Variants in NXPH1 observed in about 807,000 individuals in gnomAD.
NXPH1 encodes the protein neurexophilin 1, also known as neurexophilin-1.
A neutral mutation model predicts 23.7 loss-of-function variants in NXPH1; 5 were observed. That is an observed-to-expected ratio of 0.21 (90% CI 0.11 to 0.44). The LOEUF (loss-of-function observed/expected upper bound fraction) is 0.44. Among genes scored for constraint, NXPH1 ranks in the 20% least tolerant of loss-of-function variants. The probability of loss-of-function intolerance (pLI) is 0.99; values close to 1 mark genes in which losing one functional copy is unlikely to be tolerated. For missense variants in NXPH1, 324 were observed against 321.6 expected, an observed-to-expected ratio of 1.01 and a Z score of -0.06; for synonymous variants, 144 against 122.2, an observed-to-expected ratio of 1.18 and a Z score of -1.18.
chr7:8,467,315 G>A (rs1381763110), intron 2 of NXPH1, among the ~76,000 whole-genome samples: 2 of 152,164 alleles, frequency 1.3e-5, no homozygotes, highest in Admixed American at 6.5e-5. Flanking sequence ...AGGAGCCACA[G>A]AAACATCAGG....
At chr7:8,742,052 A>G (rs116373498) in intron 2 of NXPH1, among the ~76,000 whole-genome samples, 1,672 of 152,262 alleles carry the variant, frequency 0.011, 28 homozygotes, top group African/African-American at 0.038. Context: ...GTCTAGTGAA[A>G]ACATGGGCAC....
chr7:8,499,722 G>A (rs1282386642), intron 2 of NXPH1, among the ~76,000 whole-genome samples: 1 of 152,020 alleles, frequency 6.6e-6, no homozygotes. Context: ...GAGGCCTAAG[G>A]AGCTCTCAAA....
At chr7:8,564,729 G>C (rs1818509281) in intron 2 of NXPH1, among the ~76,000 whole-genome samples, 1 of 151,826 alleles carries the variant, frequency 6.6e-6, no homozygotes, top group Non-Finnish European at 1.5e-5. Flanking sequence ...TCCAGGTGAA[G>C]TGTGGTCCAT....
At chr7:8,439,363 G>GT (rs1181586533) in intron 2 of NXPH1, among the ~76,000 whole-genome samples, 1 of 152,178 alleles carries the variant, frequency 6.6e-6, no homozygotes, top group African/African-American at 2.4e-5. Flanking sequence ...CCCACAGGGT[G>GT]TGGCATTCTG....
chr7:8,641,698 C>G (rs184332326), intron 2 of NXPH1, among the ~76,000 whole-genome samples: 5 of 152,252 alleles, frequency 3.3e-5, no homozygotes, highest in Admixed American at 1.3e-4. Context: ...ACTCCTCTTT[C>G]TATAATAGTT....
At chr7:8,522,007 A>AG (rs112177729) in intron 2 of NXPH1, among the ~76,000 whole-genome samples, 5 of 152,280 alleles carry the variant, frequency 3.3e-5, no homozygotes, top group African/African-American at 9.6e-5. Flanking sequence ...ACCTTGGAAA[A>AG]GGGAAGAAAA....
chr7:8,746,646 C>T (rs759972182), intron 2 of NXPH1, among the ~76,000 whole-genome samples: 10 of 152,092 alleles, frequency 6.6e-5, no homozygotes, highest in Non-Finnish European at 1.0e-4. Context: ...TATATTGATG[C>T]TATCCTTAAT....
chr7:8,466,656 C>T (rs1816790920), intron 2 of NXPH1, among the ~76,000 whole-genome samples: 1 of 152,130 alleles, frequency 6.6e-6, no homozygotes, highest in South Asian at 2.1e-4. Context: ...AAAATCCTTT[C>T]ATCTGATGGC....
intron 2 of NXPH1, among the ~76,000 whole-genome samples, chr7:8,507,663 C>T (rs1347346403): frequency 2.0e-5 from 3 of 152,104 alleles, no homozygotes; most frequent in Non-Finnish European, 2.9e-5. Flanking sequence ...GCAGCTAGAT[C>T]ATTCCTCAGA....
intron 2 of NXPH1, among the ~76,000 whole-genome samples, chr7:8,480,629 C>G (rs967049423): frequency 6.6e-6 from 1 of 152,140 alleles, no homozygotes; most frequent in Non-Finnish European, 1.5e-5. Flanking sequence ...TTAGTCATGC[C>G]TTAACACTCC....
chr7:8,511,159 G>A (rs947813253), intron 2 of NXPH1, among the ~76,000 whole-genome samples: 1 of 152,112 alleles, frequency 6.6e-6, no homozygotes, highest in Non-Finnish European at 1.5e-5. Flanking sequence ...AATGCATTAT[G>A]TATAGCATTA....
chr7:8,739,704 T>C (rs1780328527), intron 2 of NXPH1, among the ~76,000 whole-genome samples: 1 of 152,226 alleles, frequency 6.6e-6, no homozygotes, highest in Non-Finnish European at 1.5e-5. Context: ...TTGATTATTG[T>C]GTAATAACAC....
At position 8,693,546 on chromosome 7, in the gene NXPH1, A is replaced by C. The variant is rs146721475; in HGVS notation, c.55-57462A>C. On this transcript the variant is annotated intron_variant, in intron 2 of 2. Coordinates refer to ENST00000405863, the MANE Select transcript of NXPH1 (RefSeq NM_152745.3). ...TAATCTTTTAAAACTTTGTTTCCTC[A>C]TCTCTAAGGCAGGACTAATATCTAT... is the stretch of plus-strand genomic sequence containing the variant. 6.2e-3 allele frequency among the ~76,000 whole-genome samples: 950 copies of C among 152,292 alleles called. 11 individuals carry two copies. Among genetic ancestry groups the C allele is most frequent in the African/African-American group, 0.021 (876 of 41,552 alleles).
chr7:8,633,359 C>T (rs751525315), intron 2 of NXPH1, among the ~76,000 whole-genome samples: 17 of 152,210 alleles, frequency 1.1e-4, no homozygotes, highest in African/African-American at 2.6e-4. Flanking sequence ...ACCCAGGAGG[C>T]GGAGATTGCA....
chr7:8,707,314 T>C (rs1273946671), intron 2 of NXPH1, among the ~76,000 whole-genome samples: 2 of 152,192 alleles, frequency 1.3e-5, no homozygotes, highest in African/African-American at 4.8e-5. Flanking sequence ...AGACCCATCT[T>C]AAATATCACA....
intron 2 of NXPH1, among the ~76,000 whole-genome samples, chr7:8,527,048 C>T (rs1817872442): frequency 1.3e-5 from 1 of 77,090 alleles, no homozygotes; most frequent in African/African-American, 4.5e-5. Flanking sequence ...TTGCCCCTTA[C>T]CAAAAAAAAA....
chr7:8,495,023 G>A (rs1422189508), intron 2 of NXPH1, among the ~76,000 whole-genome samples: 3 of 152,006 alleles, frequency 2.0e-5, no homozygotes, highest in Non-Finnish European at 4.4e-5. Context: ...ATGTTAAAAT[G>A]GAAGTTTCAG....
chr7:8,677,561 C>G (rs539917212), intron 2 of NXPH1, among the ~76,000 whole-genome samples: 1 of 152,104 alleles, frequency 6.6e-6, no homozygotes, highest in South Asian at 2.1e-4. Flanking sequence ...TAGCACAAAA[C>G]CAGATGATCA....
At chr7:8,526,738 G>A (rs979777130) in intron 2 of NXPH1, among the ~76,000 whole-genome samples, 3 of 152,114 alleles carry the variant, frequency 2.0e-5, no homozygotes, top group African/African-American at 7.2e-5. Flanking sequence ...CTCGAAAGAA[G>A]TGCCTTTTAC....
Sources: allele counts gnomAD v4.1 joint callset (sites outside exome capture counted in the v4.1 genomes callset), GRCh38; gene constraint gnomAD v4.1.1; transcripts MANE v1.5; gene names NCBI Gene and HGNC (gene_info 2026-07-23, HGNC 2026-07-21).